Variants in PLA2G4F observed in about 807,000 individuals in gnomAD.
The protein encoded by PLA2G4F is phospholipase A2 group IVF.
Under a neutral mutation model 103.1 loss-of-function variants are expected in PLA2G4F, and 105 were observed. The observed-to-expected ratio is 1.02, with a 90% CI of 0.87 to 1.20. The LOEUF (loss-of-function observed/expected upper bound fraction) is 1.20, where lower values mean the gene tolerates loss of function less well. Ranked by LOEUF, PLA2G4F falls within the 50% of genes most tolerant of loss-of-function variation. The pLI is 0.00. For synonymous variants in PLA2G4F, 468 were observed against 441.1 expected (o/e 1.06, Z -0.76); for missense variants, 1,155 against 1,075.9 (o/e 1.07, Z -1.03).
intron 7 of PLA2G4F, chr15:42,151,765 T>G: frequency 6.6e-6 from 5 of 756,076 alleles, no homozygotes; most frequent in Non-Finnish European, 8.1e-6. Flanking sequence ...AATCCGTGGT[T>G]GAGAGAAGCG....
Position 42,147,098 on chromosome 15 carries a change from G to GT in PLA2G4F, c.1419+25dup, listed in dbSNP as rs2048896364. ...GTGGAAGGAGTGGAGAGGAGCCTAC[G>GT]TATTTCCTTCTGGCTCTTCTCTCAC... On this transcript the variant is annotated intron_variant, in intron 13 of 19. Transcript: ENST00000397272. 1.9e-6 allele frequency: 3 copies of GT among 1,592,598 alleles called. No individual in the cohort carries two copies. The African/African-American group carries it at 4.0e-5, about 21-fold the overall frequency.
intron 11 of PLA2G4F, 139 bp from the exon 12 acceptor site, chr15:42,147,901 C>G: frequency 7.5e-7 from 1 of 1,336,410 alleles, no homozygotes. Context: ...AATGAGAACC[C>G]CATTTTCAGC....
At position 42,141,439 on chromosome 15, in the gene PLA2G4F, T is replaced by C; in HGVS notation, c.*545A>G. 1 of 448,648 alleles carries C rather than the reference T, an allele frequency of 2.2e-6. No individual in the cohort carries two copies. Among genetic ancestry groups the C allele is most frequent in the Non-Finnish European group, 4.5e-6 (1 of 222,408 alleles). 27.8% of individuals were successfully genotyped at this position (448,648 alleles called of 1,614,324 possible). The stretch of plus-strand genomic sequence containing the variant: ...GAAGGCAGAAGGAGGGTTAGGATGA[T>C]GGAGTCAGCAACATAGGCTGGCCAT... On this transcript the variant is annotated 3_prime_UTR_variant, in exon 20 of 20. Transcript: ENST00000397272.
At chr15:42,155,859 C>A (rs1489203055) in intron 1 of PLA2G4F, among the ~76,000 whole-genome samples, 1 of 152,220 alleles carries the variant, frequency 6.6e-6, no homozygotes, top group Non-Finnish European at 1.5e-5. Flanking sequence ...GCACCACACA[C>A]CTGCAGCTCC....
rs989331512 is a variant in PLA2G4F, at chr15:42,151,523, A to G, written c.602-746T>C. 8.1e-6 allele frequency: 8 copies of G among 985,310 alleles called. No homozygotes were observed. The East Asian group carries it at 9.1e-4, about 112-fold the overall frequency. 61.0% of individuals were successfully genotyped at this position (985,310 alleles called of 1,614,324 possible). Reference sequence around the variant, plus strand: ...CCTCCCAGGAGTCCCAGCCCCTAACACAACATGGAAGCAACAGAGACCCAA... The same window carrying G: ...CCTCCCAGGAGTCCCAGCCCCTAACGCAACATGGAAGCAACAGAGACCCAA... On this transcript the variant is annotated intron_variant, in intron 7 of 19. Coordinates refer to ENST00000397272, the MANE Select transcript of PLA2G4F (RefSeq NM_213600.4).
At chr15:42,142,335 G>T in intron 19 of PLA2G4F, 131 bp from the exon 20 acceptor site, 1 of 1,149,714 alleles carries the variant, frequency 8.7e-7, no homozygotes, top group Non-Finnish European at 1.2e-6. Context: ...CCACATCTCA[G>T]CTCTCAGACC....
chr15:42,148,438 G>A (rs1011507329), intron 11 of PLA2G4F: 5 of 215,054 alleles, frequency 2.3e-5, no homozygotes, highest in Admixed American at 6.5e-5. Context: ...GTAGCTCTTC[G>A]CTGTGGGGAC....
chr15:42,150,884 A>T (rs2048954048), intron 7 of PLA2G4F, 107 bp from the exon 8 acceptor site: 1 of 1,493,606 alleles, frequency 6.7e-7, no homozygotes, highest in Non-Finnish European at 8.9e-7. Flanking sequence ...CTCTTCCCCT[A>T]GGAAATGCCA....
At chr15:42,147,953 G>A (rs1290004782) in intron 11 of PLA2G4F, 191 bp from the exon 12 acceptor site, 1 of 430,742 alleles carries the variant, frequency 2.3e-6, no homozygotes, top group Non-Finnish European at 3.1e-6. Flanking sequence ...CACTTCGGGA[G>A]GCCGAGGCGG....
chr15:42,146,914 C>A (rs1048512697), intron 13 of PLA2G4F: 1 of 573,158 alleles, frequency 1.7e-6, no homozygotes, highest in African/African-American at 1.9e-5. Flanking sequence ...CTGAGCGCTG[C>A]GGACCAGGCT....
At chr15:42,144,870 AAAT>A (rs1461917699) in intron 16 of PLA2G4F, among the ~76,000 whole-genome samples, 2 of 152,212 alleles carry the variant, frequency 1.3e-5, no homozygotes, top group Non-Finnish European at 2.9e-5. Flanking sequence ...AGCATTTACT[AAAT>A]AATAATTTAT....
chr15:42,154,414 ACGCCGTGGG>A lies in PLA2G4F; in HGVS notation c.220_228del (p.Pro74_Ala76del), dbSNP rs1356808014. The A allele has an allele frequency of 6.2e-6, 10 of 1,609,298 alleles. No individual in the cohort carries two copies. Among genetic ancestry groups the A allele is most frequent in the Non-Finnish European group, 8.5e-6 (10 of 1,176,820 alleles). On this transcript the variant is annotated inframe_deletion, in exon 3 of 20. Coordinates refer to ENST00000397272, the MANE Select transcript of PLA2G4F (RefSeq NM_213600.4). ...ATCCTAGTCTGGGCAGGGCTTGGGG[ACGCCGTGGG>A]CAGCCACAGTTGCACATAGCAGTCG...
At chr15:42,150,043 G>C (rs2048938864) in intron 10 of PLA2G4F, 61 bp downstream of exon 10, 1 of 1,604,708 alleles carries the variant, frequency 6.2e-7, no homozygotes, top group South Asian at 1.1e-5. Flanking sequence ...GAGCACGTTG[G>C]GGTATGTCCC....
rs776028372 is a variant in PLA2G4F, at chr15:42,144,061, A to T, written c.2059T>A (p.Ser687Thr). The change falls in exon 18 of 20, where the codon TCT (serine) becomes ACT (threonine). Residue 687 changes from serine to threonine, a missense_variant. Transcript: ENST00000397272. ...YLVDGGFAIN[S>T]PFPLALLPQR... Reference sequence around the variant, plus strand: ...GGCAGCAGAGCCAGTGGGAACGGAGAGTTGATGGCAAAGCCTCCGTCCACC... The same window carrying T: ...GGCAGCAGAGCCAGTGGGAACGGAGTGTTGATGGCAAAGCCTCCGTCCACC... The T allele has an allele frequency of 5.0e-6, 8 of 1,613,844 alleles. No individual in the cohort carries two copies. In the Admixed American group the frequency reaches 1.3e-4, roughly 27 times the overall value.
At chr15:42,142,406 C>T in intron 19 of PLA2G4F, 122 bp downstream of exon 19, 4 of 1,290,122 alleles carry the variant, frequency 3.1e-6, no homozygotes, top group South Asian at 1.5e-5. Context: ...GCCACAGGGG[C>T]CAGCTCAGGC....
chr15:42,149,570 T>TCCTAGCTCTGCCGATGGTGC (rs1448894281), intron 11 of PLA2G4F, 143 bp downstream of exon 11: 1 of 1,445,650 alleles, frequency 6.9e-7, no homozygotes, highest in African/African-American at 1.4e-5. Context: ...CCATATGGGG[T>TCCTAGCTCTGCCGATGGTGC]CCTAGCTCTG....
Position 42,142,709 on chromosome 15 carries a change from C to T in PLA2G4F, c.2148G>A (p.Leu716=), listed in dbSNP as rs910865865. The change falls in exon 19 of 20, where the codon TTG becomes TTA. Residue 716 remains leucine, a synonymous_variant. Coordinates refer to ENST00000397272, the MANE Select transcript of PLA2G4F (RefSeq NM_213600.4). ...CCAGGCAGTACTTCTCTGTCATCTT[C>T]AAGACCTGAGCAGGAGCAAGCCTCT... is the stretch of plus-strand genomic sequence containing the variant. ...DYSLEAPFEV[L]KMTEKYCLDR... 1.9e-6 allele frequency: 3 copies of T among 1,613,902 alleles called. No homozygotes were observed. In the African/African-American group the frequency reaches 4.0e-5, roughly 22 times the overall value.
chr15:42,147,534 C>T, intron 12 of PLA2G4F, 92 bp downstream of exon 12: 1 of 1,496,346 alleles, frequency 6.7e-7, no homozygotes, highest in East Asian at 2.3e-5. Context: ...GGCAGGATCC[C>T]AGCCCCTCAG....
At chr15:42,148,993 C>G (rs1377534736) in intron 11 of PLA2G4F, 2 of 985,244 alleles carry the variant, frequency 2.0e-6, no homozygotes, top group Admixed American at 1.2e-4. Flanking sequence ...CCTGAGGACT[C>G]AGGCAGCCTG....
Sources: gnomAD v4.1 joint callset for allele counts (sites outside exome capture counted in the v4.1 genomes callset) on GRCh38, gnomAD v4.1.1 for gene constraint, MANE v1.5 for transcripts, NCBI Gene and HGNC (gene_info 2026-07-23, HGNC 2026-07-21) for gene names.